The following OR2Z1 variants were observed in gnomAD, a reference collection of about 807,000 sequenced individuals.
OR2Z1 encodes olfactory receptor family 2 subfamily Z member 1.
For synonymous variants in OR2Z1, 188 were observed against 160.6 expected, an observed-to-expected ratio of 1.17 and a Z score of -1.29; for missense variants, 449 against 401.8, an observed-to-expected ratio of 1.12 and a Z score of -1.00.
intron 2 of OR2Z1, among the ~76,000 whole-genome samples, chr19:8,725,392 G>A (rs1252141242): frequency 2.6e-5 from 4 of 152,058 alleles, no homozygotes; most frequent in African/African-American, 7.2e-5. Flanking sequence ...ACAGGTGCCC[G>A]CCACCACACC....
At position 8,731,592 on chromosome 19, in the gene OR2Z1, C is replaced by T; in HGVS notation, c.564C>T (p.Ser188=). 2 of 1,613,294 alleles carry T rather than the reference C, an allele frequency of 1.2e-6. No individual in the cohort carries two copies. Among genetic ancestry groups the T allele is most frequent in the Non-Finnish European group, 1.7e-6 (2 of 1,180,022 alleles). The part of the protein sequence containing the change: ...FCEVPALLKL[S]CADTCAYEMA... The stretch of plus-strand genomic sequence containing the variant: ...AGGTGCCAGCCCTACTGAAGCTCTC[C>T]TGTGCAGATACCTGTGCCTACGAGA... The change falls in exon 3 of 3, where the codon TCC becomes TCT. Residue 188 remains serine (S), a synonymous_variant. Coordinates refer to ENST00000641125, the MANE Select transcript of OR2Z1 (RefSeq NM_001004699.3).
At chr19:8,724,099 T>C (rs2043318240) in intron 2 of OR2Z1, among the ~76,000 whole-genome samples, 1 of 152,030 alleles carries the variant, frequency 6.6e-6, no homozygotes, top group African/African-American at 2.4e-5. Context: ...ACAAGGACTT[T>C]GGAATTAAAT....
At chr19:8,724,766 T>C (rs2043321159) in intron 2 of OR2Z1, among the ~76,000 whole-genome samples, 2 of 151,998 alleles carry the variant, frequency 1.3e-5, no homozygotes. Flanking sequence ...GTACAAAAAG[T>C]GTGTCCTTGG....
Position 8,731,177 on chromosome 19 carries a change from G to A in OR2Z1, c.149G>A (p.Arg50His), listed in dbSNP as rs782053066. Residue 50 changes from arginine to histidine, a missense_variant, in exon 3 of 3, where the codon CGT (arginine) becomes CAT (histidine). Transcript: ENST00000641125. Reference protein sequence around the residue: ...LGNTVLLFLIRVDSRLHTPMY... With the variant: ...LGNTVLLFLIHVDSRLHTPMY... The stretch of plus-strand genomic sequence containing the variant: ...AACACCGTTCTTCTCTTCTTGATCC[G>A]TGTGGACTCCCGGCTCCACACACCC... 12 of 1,613,784 alleles carry A rather than the reference G, an allele frequency of 7.4e-6. No individual in the cohort carries two copies. The highest frequency in any genetic ancestry group is 2.7e-5 in the African/African-American group (2 of 74,810).
rs376734517 is a variant in OR2Z1, at chr19:8,726,577, C to T, written c.-170+3427C>T. On this transcript the variant is annotated intron_variant, in intron 2 of 2. Transcript: ENST00000641125. ...TTCCCCCTATCACAAAGGTCTTGTG[C>T]ATTTATCTTCTTGTTGGTCATTGGT... is the stretch of plus-strand genomic sequence containing the variant. 4.5e-4 allele frequency among the ~76,000 whole-genome samples: 68 copies of T among 152,338 alleles called. 1 individual carries two copies. The highest frequency in any genetic ancestry group is 1.6e-3 in the African/African-American group (68 of 41,576).
chr19:8,727,121 T>A (rs2043330731), intron 2 of OR2Z1, among the ~76,000 whole-genome samples: 1 of 152,048 alleles, frequency 6.6e-6, no homozygotes, highest in African/African-American at 2.4e-5. Context: ...TTTGTAATTT[T>A]TTTGTAGAGA....
intron 2 of OR2Z1, among the ~76,000 whole-genome samples, chr19:8,724,804 G>T (rs1297248025): frequency 1.3e-5 from 2 of 152,114 alleles, no homozygotes; most frequent in Non-Finnish European, 2.9e-5. Context: ...TAGAGGAGCT[G>T]CCCAGCTCTC....
intron 2 of OR2Z1, among the ~76,000 whole-genome samples, chr19:8,729,807 C>G (rs949801888): frequency 6.6e-6 from 1 of 152,066 alleles, no homozygotes; most frequent in Non-Finnish European, 1.5e-5. Flanking sequence ...TCAGGCTGGT[C>G]TCGAACTCCT....
intron 2 of OR2Z1, among the ~76,000 whole-genome samples, chr19:8,724,205 A>G (rs1362495883): frequency 6.7e-6 from 1 of 150,166 alleles, no homozygotes; most frequent in African/African-American, 2.4e-5. Flanking sequence ...CATCCCCAAA[A>G]TTCATAGAGG....
At chr19:8,728,430 A>G (rs1236723903) in intron 2 of OR2Z1, among the ~76,000 whole-genome samples, 5 of 152,170 alleles carry the variant, frequency 3.3e-5, no homozygotes, top group Admixed American at 3.3e-4. Flanking sequence ...CATCCAATGC[A>G]GTGAAGCCAC....
chr19:8,728,661 A>C (rs1277852030), intron 2 of OR2Z1: 1 of 480,522 alleles, frequency 2.1e-6, no homozygotes, highest in African/African-American at 2.0e-5. Context: ...TTGCGAACAT[A>C]GTACCCAATA....
Position 8,731,296 on chromosome 19 carries a change from G to A in OR2Z1, c.268G>A (p.Gly90Ser). 6.2e-7 allele frequency: 1 copy of A among 1,614,160 alleles called. No homozygotes were observed. Among genetic ancestry groups the A allele is most frequent in the Non-Finnish European group, 8.5e-7 (1 of 1,180,024 alleles). ...KMASDFLRGE[G>S]ATSYGGGAAQ... The stretch of plus-strand genomic sequence containing the variant: ...GGCATCAGACTTTCTGCGGGGAGAA[G>A]GTGCCACCTCCTATGGAGGTGGTGC... Residue 90 changes from glycine (G) to serine (S), a missense_variant, in exon 3 of 3, where the codon GGT (glycine) becomes AGT (serine). Transcript: ENST00000641125.
In OR2Z1 at chr19:8,731,187, C is replaced by T. The variant is rs2043351868; in HGVS notation, c.159C>T (p.Ser53=). The change falls in exon 3 of 3, where the codon TCC becomes TCT. Residue 53 remains serine, a synonymous_variant. Coordinates refer to ENST00000641125, the MANE Select transcript of OR2Z1 (RefSeq NM_001004699.3). The part of the protein sequence containing the change: ...TVLLFLIRVD[S]RLHTPMYFLL... Reference sequence around the variant, plus strand: ...TTCTCTTCTTGATCCGTGTGGACTCCCGGCTCCACACACCCATGTACTTCC... The same window carrying T: ...TTCTCTTCTTGATCCGTGTGGACTCTCGGCTCCACACACCCATGTACTTCC... 2.5e-6 allele frequency: 4 copies of T among 1,613,908 alleles called. No homozygotes were observed. Among genetic ancestry groups the T allele is most frequent in the African/African-American group, 1.3e-5 (1 of 74,866 alleles).
intron 2 of OR2Z1, among the ~76,000 whole-genome samples, chr19:8,723,996 GTGTGTGTGTGTGTGTA>G (rs1459843750): frequency 0.017 from 2,350 of 139,456 alleles, 58 homozygotes; most frequent in African/African-American, 0.074. Flanking sequence ...GTGTGTGTGT[GTGTGTGTGTGTGTGTA>G]TGTGTGTGTG....
chr19:8,724,679 C>T (rs542815730), intron 2 of OR2Z1, among the ~76,000 whole-genome samples: 2 of 152,076 alleles, frequency 1.3e-5, no homozygotes, highest in Non-Finnish European at 2.9e-5. Flanking sequence ...TTTCGGGGCT[C>T]AGGGGTTGAT....
Position 8,731,044 on chromosome 19 carries a change from C to T in OR2Z1, c.16C>T (p.Gln6Ter), listed in dbSNP as rs377388319. The change falls in exon 3 of 3, where the codon CAG becomes TAG. Residue 6 changes from glutamine to a stop codon, truncating the protein, a stop_gained. Transcript: ENST00000641125. LOFTEE classifies it low-confidence loss of function (END_TRUNC). The part of the protein sequence containing the change: MGDVN[Q>*]SVASDFILVG... ...TGTGTAAAACATGGGGGATGTGAAT[C>T]AGTCGGTGGCCTCAGACTTCATTCT... The T allele has an allele frequency of 6.2e-7, 1 of 1,613,966 alleles. No individual in the cohort carries two copies.
rs150886711 is a variant in OR2Z1, at chr19:8,726,119, C to T, written c.-170+2969C>T. 4.6e-3 allele frequency among the ~76,000 whole-genome samples: 697 copies of T among 152,280 alleles called. 8 individuals carry two copies. Among genetic ancestry groups the T allele is most frequent in the African/African-American group, 0.015 (636 of 41,566 alleles). The stretch of plus-strand genomic sequence containing the variant: ...TAGCTGGGATTACAGTCACCTGCCA[C>T]CACACCTGGCTAATTTTTTGTATTT... On this transcript the variant is annotated intron_variant, in intron 2 of 2. Coordinates refer to ENST00000641125, the MANE Select transcript of OR2Z1 (RefSeq NM_001004699.3).
chr19:8,727,838 G>A (rs1198319886), intron 2 of OR2Z1, among the ~76,000 whole-genome samples: 2 of 152,210 alleles, frequency 1.3e-5, no homozygotes, highest in Non-Finnish European at 2.9e-5. Flanking sequence ...CTGTACTCCC[G>A]CCTGGGTCAC....
chr19:8,730,917 A>C lies in OR2Z1; in HGVS notation c.-112A>C. ...TCTCAAGACACCATCCCAGGAAGCC[A>C]CTACCAATCAATGATGATTGGCATG... On this transcript the variant is annotated 5_prime_UTR_variant, in exon 3 of 3. Transcript: ENST00000641125. 1.3e-6 allele frequency: 1 copy of C among 778,384 alleles called. No individual in the cohort carries two copies. 48.2% of individuals were successfully genotyped at this position (778,384 alleles called of 1,614,324 possible).
Sources: allele counts gnomAD v4.1 joint callset (sites outside exome capture counted in the v4.1 genomes callset), GRCh38; gene constraint gnomAD v4.1.1; transcripts MANE v1.5; gene names NCBI Gene and HGNC (gene_info 2026-07-23, HGNC 2026-07-21).